Variants in EYS observed in about 807,000 individuals in gnomAD.
The protein encoded by EYS is protein eyes shut homolog.
Under a neutral mutation model 282.1 loss-of-function variants are expected in EYS, and 250 were observed. That is an observed-to-expected ratio of 0.89 (90% CI 0.80 to 0.98). The LOEUF (loss-of-function observed/expected upper bound fraction) is 0.98, where lower values mean the gene tolerates loss of function less well. Ranked by LOEUF, EYS falls within the 50% of genes least tolerant of loss-of-function variation. The pLI is 0.00. For missense variants in EYS, 4,016 were observed against 3,709.0 expected (o/e 1.08, Z -2.15); for synonymous variants, 1,355 against 1,282.9 (o/e 1.06, Z -1.20).
intron 12 of EYS, among the ~76,000 whole-genome samples, chr6:65,250,298 C>CTATA (rs1274556264): frequency 6.6e-6 from 1 of 151,834 alleles, no homozygotes; most frequent in East Asian, 1.9e-4. Context: ...CTTTCATAGT[C>CTATA]TATACATTTT....
intron 5 of EYS, among the ~76,000 whole-genome samples, chr6:65,488,798 A>T (rs1391321432): frequency 4.6e-5 from 7 of 152,168 alleles, no homozygotes; most frequent in Non-Finnish European, 4.4e-5. Flanking sequence ...AATGGAACAG[A>T]ATGGAGACCT....
At chr6:65,272,203 G>A (rs1767924662) in intron 12 of EYS, among the ~76,000 whole-genome samples, 1 of 152,126 alleles carries the variant, frequency 6.6e-6, no homozygotes. Context: ...TCTTATAAGT[G>A]GTTGGTTAGG....
Position 64,802,497 on chromosome 6 carries a change from G to A in EYS, c.3443+10881C>T, listed in dbSNP as rs201462023. On this transcript the variant is annotated intron_variant, in intron 22 of 42. Coordinates refer to ENST00000503581, the MANE Select transcript of EYS (RefSeq NM_001142800.2). ...GACCTATAAATAAATACTGTAAGAT[G>A]GCTAACAAACTGCCACCAAAATAAA... Among the ~76,000 whole-genome samples, 55 of 152,088 alleles carry A rather than the reference G, an allele frequency of 3.6e-4. No individual in the cohort carries two copies. The East Asian group carries it at 9.7e-3, about 27-fold the overall frequency.
At chr6:64,918,441 G>C (rs1208328421) in intron 15 of EYS, among the ~76,000 whole-genome samples, 5 of 152,018 alleles carry the variant, frequency 3.3e-5, no homozygotes, top group African/African-American at 7.2e-5. Flanking sequence ...GATATTTAAG[G>C]GTTTTTTGTT....
chr6:65,115,786 T>C (rs916681920), intron 12 of EYS, among the ~76,000 whole-genome samples: 2 of 130,630 alleles, frequency 1.5e-5, no homozygotes, highest in Non-Finnish European at 3.3e-5. Context: ...AGATTAGATT[T>C]CCTCAGAGGG....
intron 31 of EYS, among the ~76,000 whole-genome samples, chr6:64,196,193 G>C (rs1408959546): frequency 6.6e-6 from 1 of 152,188 alleles, no homozygotes; most frequent in Non-Finnish European, 1.5e-5. Flanking sequence ...ACCACAATGA[G>C]ACACCATCTC....
At chr6:64,778,023 A>T (rs1773732280) in intron 22 of EYS, among the ~76,000 whole-genome samples, 1 of 152,126 alleles carries the variant, frequency 6.6e-6, no homozygotes, top group Non-Finnish European at 1.5e-5. Flanking sequence ...AGTTGACTTA[A>T]TCTATTGCTT....
At chr6:64,798,768 T>A (rs1774443659) in intron 22 of EYS, among the ~76,000 whole-genome samples, 2 of 151,872 alleles carry the variant, frequency 1.3e-5, no homozygotes, top group African/African-American at 4.8e-5. Flanking sequence ...GATTATTGCA[T>A]AAATGCTCAG....
intron 5 of EYS, among the ~76,000 whole-genome samples, chr6:65,480,300 A>C (rs1582352385): frequency 6.6e-6 from 1 of 152,188 alleles, no homozygotes; most frequent in East Asian, 1.9e-4. Flanking sequence ...TAATAAAAAG[A>C]CAACTTAAAA....
At position 63,957,406 on chromosome 6, in the gene EYS, G is replaced by A. The variant is rs1274742651; in HGVS notation, c.7055+26977C>T. On this transcript the variant is annotated intron_variant, in intron 35 of 42. Coordinates refer to ENST00000503581, the MANE Select transcript of EYS (RefSeq NM_001142800.2). ...GTTGTCTCTGTGCATATCTGTGAAT[G>A]ACCTCAAATGATTGCCAAAATGCTA... Among the ~76,000 whole-genome samples the A allele has an allele frequency of 1.4e-5, 2 of 140,652 alleles. 1 individual carries two copies. The highest frequency in any genetic ancestry group is 1.5e-4 in the Admixed American group (2 of 13,040). The allele number at this position is 140,652 out of a possible 152,430, so 92.3% of individuals were successfully genotyped here.
chr6:64,727,675 A>T (rs762736255), intron 22 of EYS, among the ~76,000 whole-genome samples: 1 of 152,190 alleles, frequency 6.6e-6, no homozygotes, highest in Admixed American at 6.5e-5. Flanking sequence ...TTACAAAGAA[A>T]CCCTAATTAA....
At chr6:64,947,266 AT>A (rs1044330141) in intron 14 of EYS, among the ~76,000 whole-genome samples, 1 of 151,756 alleles carries the variant, frequency 6.6e-6, no homozygotes, top group Admixed American at 6.6e-5. Flanking sequence ...TGGACAGCAA[AT>A]TTTTTTTACA....
chr6:65,092,609 CT>C (rs2150178617), intron 12 of EYS, among the ~76,000 whole-genome samples: 1 of 152,266 alleles, frequency 6.6e-6, no homozygotes, highest in African/African-American at 2.4e-5. Flanking sequence ...AATAATTACA[CT>C]TTTGAAATGC....
At chr6:63,825,654 G>A (rs886467509) in intron 36 of EYS, among the ~76,000 whole-genome samples, 1 of 152,114 alleles carries the variant, frequency 6.6e-6, no homozygotes, top group East Asian at 1.9e-4. Context: ...AATAATCACC[G>A]CAGTTCAGCT....
intron 15 of EYS, among the ~76,000 whole-genome samples, chr6:64,932,959 A>G (rs1233681318): frequency 6.6e-6 from 1 of 152,140 alleles, no homozygotes; most frequent in African/African-American, 2.4e-5. Context: ...AGATGTACCA[A>G]GTTATGCTAT....
At chr6:65,587,985 G>A (rs1765112214) in intron 2 of EYS, among the ~76,000 whole-genome samples, 1 of 151,970 alleles carries the variant, frequency 6.6e-6, no homozygotes. Context: ...TCATTCAGAG[G>A]GTGGTGCCCA....
chr6:65,365,848 C>A (rs1764896626), intron 8 of EYS, among the ~76,000 whole-genome samples: 1 of 151,654 alleles, frequency 6.6e-6, no homozygotes, highest in Non-Finnish European at 1.5e-5. Flanking sequence ...TGTTGGCTGT[C>A]TAGTAAATTA....
chr6:64,995,973 C>G (rs1771247505), intron 14 of EYS, among the ~76,000 whole-genome samples: 1 of 152,110 alleles, frequency 6.6e-6, no homozygotes, highest in South Asian at 2.1e-4. Context: ...TCTTATATTA[C>G]AGGTATGGGG....
intron 5 of EYS, among the ~76,000 whole-genome samples, chr6:65,441,139 G>C (rs1447747777): frequency 6.6e-6 from 1 of 151,004 alleles, no homozygotes; most frequent in Non-Finnish European, 1.5e-5. Flanking sequence ...GTATTTTGCT[G>C]ATAATATTTT....
Sources: gnomAD v4.1 joint callset for allele counts (sites outside exome capture counted in the v4.1 genomes callset) on GRCh38, gnomAD v4.1.1 for gene constraint, MANE v1.5 for transcripts, NCBI Gene and HGNC (gene_info 2026-07-23, HGNC 2026-07-21) for gene names.